SYMPK: variants seen among roughly 807,000 people sequenced by gnomAD.
The protein encoded by SYMPK is symplekin scaffold protein, also known as symplekin.
Under a neutral mutation model 136.4 loss-of-function variants are expected in SYMPK, and 49 were observed. The ratio of observed to expected loss-of-function variants is 0.36; its 90% CI spans 0.29 to 0.46. SYMPK has a LOEUF of 0.46. Among genes scored for constraint, SYMPK ranks in the 20% least tolerant of loss-of-function variants. The probability of loss-of-function intolerance (pLI) is 1.00; values close to 1 mark genes in which losing one functional copy is unlikely to be tolerated. For synonymous variants in SYMPK, 766 were observed against 713.0 expected (o/e 1.07, Z -1.19); for missense variants, 1,365 against 1,690.0 (o/e 0.81, Z 3.37).
chr19:45,853,677 C>A (rs1158878099), intron 3 of SYMPK, among the ~76,000 whole-genome samples: 1 of 152,094 alleles, frequency 6.6e-6, no homozygotes, highest in Non-Finnish European at 1.5e-5. Flanking sequence ...CTTTTATCCT[C>A]CATGGCTTGG....
Position 45,838,500 on chromosome 19 carries a change from G to C in SYMPK, c.1203C>G (p.Phe401Leu). The C allele has an allele frequency of 6.2e-7, 1 of 1,614,070 alleles. No homozygotes were observed. Among genetic ancestry groups the C allele is most frequent in the Non-Finnish European group, 8.5e-7 (1 of 1,179,960 alleles). ...GQSDTDITAE[F>L]LQPLLTPDNV... ...TATCAGGCGTCAGCAGAGGCTGCAG[G>C]AACTCAGCTGTGATGTCCGTGTCTG... Residue 401 changes from phenylalanine to leucine, a missense_variant, in exon 10 of 27, where the codon TTC (phenylalanine) becomes TTG (leucine). This residue lies in a region of SYMPK where 111 missense variants were observed against 141.2 expected (regional missense o/e 0.79). Transcript: ENST00000245934.
chr19:45,831,319 G>A (rs1971168523), intron 12 of SYMPK, 65 bp downstream of exon 12: 3 of 1,345,300 alleles, frequency 2.2e-6, no homozygotes, highest in South Asian at 1.6e-5. Flanking sequence ...ACACGCACAC[G>A]AGCTGAGAAC....
chr19:45,817,754 C>G (rs1970787881), intron 23 of SYMPK, among the ~76,000 whole-genome samples: 1 of 152,204 alleles, frequency 6.6e-6, no homozygotes, highest in African/African-American at 2.4e-5. Context: ...TACCACAGCT[C>G]CTACCACCCA....
At chr19:45,846,168 G>A (rs751498693) in intron 7 of SYMPK, among the ~76,000 whole-genome samples, 6 of 152,182 alleles carry the variant, frequency 3.9e-5, no homozygotes, top group South Asian at 2.1e-4. Context: ...CACGGGAGGC[G>A]GAGCATGCAG....
rs147267905 is a variant in SYMPK, at chr19:45,840,012, A to G, written c.1088-1397T>C. Among the ~76,000 whole-genome samples, 209 of 152,300 alleles carry G rather than the reference A, an allele frequency of 1.4e-3. 5 individuals carry two copies. In the East Asian group the frequency reaches 0.034, roughly 25 times the overall value. Reference sequence around the variant, plus strand: ...GTGTTAACCAAGCGTTCAAAAGTTAATATCTCCAACAATGGGACACCATGT... The same window carrying G: ...GTGTTAACCAAGCGTTCAAAAGTTAGTATCTCCAACAATGGGACACCATGT... On this transcript the variant is annotated intron_variant, in intron 9 of 26. Coordinates refer to ENST00000245934, the MANE Select transcript of SYMPK (RefSeq NM_004819.3).
At chr19:45,845,824 G>A (rs896167520) in intron 7 of SYMPK, among the ~76,000 whole-genome samples, 1 of 152,174 alleles carries the variant, frequency 6.6e-6, no homozygotes, top group Non-Finnish European at 1.5e-5. Flanking sequence ...CACCAACAGT[G>A]TACAAGTGTT....
Position 45,843,961 on chromosome 19 carries a change from A to G in SYMPK, c.847+69T>C, listed in dbSNP as rs1971503243. 2.8e-6 allele frequency: 3 copies of G among 1,064,938 alleles called. No individual in the cohort carries two copies. The South Asian group carries it at 8.2e-5, about 29-fold the overall frequency. The allele number at this position is 1,064,938 out of a possible 1,614,324, so 66.0% of individuals were successfully genotyped here. The stretch of plus-strand genomic sequence containing the variant: ...CTGTCTCAAAAAAAAAAAAAAAAAA[A>G]AAAAAAAAAGAAAGAGCAGACTGGC... On this transcript the variant is annotated intron_variant, in intron 8 of 26. Transcript: ENST00000245934.
In SYMPK at chr19:45,828,282, GAGA is replaced by G. The variant is rs148751961; in HGVS notation, c.1986-367_1986-365del. ...GTTACAGTTGAGTACACTGGTGGAT[GAGA>G]AGGAGCCACCCACACATAGAGTTGA... is the stretch of plus-strand genomic sequence containing the variant. On this transcript the variant is annotated intron_variant, in intron 14 of 26. Transcript: ENST00000245934. The G allele has an allele frequency of 5.0e-3, 1,260 of 250,688 alleles. 20 individuals are homozygous for G. The highest frequency in any genetic ancestry group is 0.027 in the African/African-American group (1,189 of 43,878). 15.5% of individuals were successfully genotyped at this position (250,688 alleles called of 1,614,324 possible). A position where few individuals can be genotyped will look rare whatever the true frequency, so the allele number is the denominator to read the frequency against.
intron 2 of SYMPK, 65 bp from the exon 3 acceptor site, chr19:45,854,305 C>G: frequency 6.2e-7 from 1 of 1,605,324 alleles, no homozygotes; most frequent in South Asian, 1.1e-5. Flanking sequence ...GCCCCCTCGG[C>G]ACTCCCAGGG....
At chr19:45,840,307 T>C (rs1409449402) in intron 9 of SYMPK, among the ~76,000 whole-genome samples, 1 of 105,692 alleles carries the variant, frequency 9.5e-6, no homozygotes, top group East Asian at 2.8e-4. Context: ...AGAGCGAGAC[T>C]GTCTCAAAAA....
Position 45,829,146 on chromosome 19 carries a change from C to A in SYMPK, c.1809G>T (p.Glu603Asp), listed in dbSNP as rs774867426. ...CATCCTCCAGGATGAAGGACAGGAC[C>A]TCCGCCTTCAGGCCCGAGTTGAACT... ...VTQFNSGLKA[E>D]VLSFILEDVR... Residue 603 changes from glutamate (E) to aspartate (D), a missense_variant, in exon 14 of 27, where the codon GAG becomes GAT. Glu to Asp is a conservative substitution (Grantham distance 45). This residue lies in a region of SYMPK where 303 missense variants were observed against 326.6 expected (regional missense o/e 0.93). Transcript: ENST00000245934. The A allele has an allele frequency of 8.7e-6, 14 of 1,614,198 alleles. No individual in the cohort carries two copies. In the South Asian group the frequency reaches 1.5e-4, roughly 18 times the overall value.
intron 1 of SYMPK, among the ~76,000 whole-genome samples, chr19:45,856,716 T>G (rs1971830804): frequency 6.6e-6 from 1 of 152,162 alleles, no homozygotes; most frequent in Non-Finnish European, 1.5e-5. Context: ...CCCAGGATTT[T>G]GGGAGGCTAA....
chr19:45,830,456 G>A (rs1437353612), intron 12 of SYMPK: 3 of 466,308 alleles, frequency 6.4e-6, no homozygotes, highest in East Asian at 7.2e-5. Flanking sequence ...CGGAGGCAGG[G>A]ACAAGATACA....
intron 20 of SYMPK, 151 bp downstream of exon 20, chr19:45,823,221 C>A: frequency 1.3e-6 from 1 of 764,386 alleles, no homozygotes; most frequent in East Asian, 2.7e-5. Context: ...CAGGTGTCGG[C>A]GGCTTCCATG....
chr19:45,861,199 A>G (rs969950844), intron 1 of SYMPK, among the ~76,000 whole-genome samples: 2 of 152,144 alleles, frequency 1.3e-5, no homozygotes, highest in African/African-American at 4.8e-5. Context: ...AAAATAAAAT[A>G]AAATAAAATA....
intron 21 of SYMPK, 106 bp downstream of exon 21, chr19:45,822,650 A>G: frequency 1.2e-6 from 1 of 858,528 alleles, no homozygotes; most frequent in Non-Finnish European, 1.9e-6. Context: ...TGTCCCAGGG[A>G]GCAGGATGTG....
In SYMPK at chr19:45,847,881, C is replaced by T. The variant is rs146146730; in HGVS notation, c.547G>A (p.Ala183Thr). 1.2e-5 allele frequency: 20 copies of T among 1,613,858 alleles called. No individual in the cohort carries two copies. Among genetic ancestry groups the T allele is most frequent in the African/African-American group, 2.7e-5 (2 of 74,852 alleles). ...ATGAGGCCCTCCACAAACTTGATGG[C>T]GTGGGTGCGGATGCCGTCATTGTCA... ...DSDNDGIRTH[A>T]IKFVEGLIVT... Residue 183 changes from alanine to threonine, a missense_variant, in exon 7 of 27, where the codon GCC (alanine) becomes ACC (threonine). By Grantham distance (58) the Ala-to-Thr change is moderately conservative. This residue lies in a region of SYMPK where 237 missense variants were observed against 292.9 expected (regional missense o/e 0.81). Transcript: ENST00000245934.
intron 3 of SYMPK, among the ~76,000 whole-genome samples, chr19:45,853,002 C>T (rs982465173): frequency 1.3e-5 from 2 of 152,212 alleles, no homozygotes; most frequent in African/African-American, 4.8e-5. Context: ...TCCTGAAGCC[C>T]TTGTGCCTGC....
chr19:45,817,979 A>G lies in SYMPK; in HGVS notation c.3061T>C (p.Ser1021Pro). The G allele has an allele frequency of 6.4e-7, 1 of 1,574,700 alleles. No individual in the cohort carries two copies. The highest frequency in any genetic ancestry group is 1.8e-5 in the Admixed American group (1 of 54,500). The change falls in exon 23 of 27, where the codon TCC becomes CCC. Residue 1021 changes from serine (S) to proline (P), a missense_variant. This residue lies in a region of SYMPK where 156 missense variants were observed against 217.8 expected (regional missense o/e 0.72). Coordinates refer to ENST00000245934, the MANE Select transcript of SYMPK (RefSeq NM_004819.3). The part of the protein sequence containing the change: ...RLGGFVMNIL[S>P]RLIMKQVWKY... ...GTTACCTGCTTCATGATGAGGCGGG[A>G]CAGGATGTTCATGACGAAGCCCCCC...
Sources: allele counts gnomAD v4.1 joint callset (sites outside exome capture counted in the v4.1 genomes callset), GRCh38; gene constraint gnomAD v4.1.1; regional missense constraint gnomAD v4.1.1; transcripts MANE v1.5; gene names NCBI Gene and HGNC (gene_info 2026-07-23, HGNC 2026-07-21).